The following NCKAP1L variants were observed in gnomAD, a reference collection of about 807,000 sequenced individuals.
NCKAP1L encodes the protein nck-associated protein 1-like.
Under a neutral mutation model 139.2 loss-of-function variants are expected in NCKAP1L, and 53 were observed. That is an observed-to-expected ratio of 0.38 (90% CI 0.31 to 0.48). The LOEUF is 0.48. Ranked by LOEUF, NCKAP1L falls within the 20% of genes least tolerant of loss-of-function variation. The probability of loss-of-function intolerance (pLI) is 0.98; values close to 1 mark genes in which losing one functional copy is unlikely to be tolerated. For synonymous variants in NCKAP1L, 468 were observed against 499.7 expected (o/e 0.94, Z 0.85); for missense variants, 1,151 against 1,381.9 (o/e 0.83, Z 2.65).
At position 54,500,589 on chromosome 12, in the gene NCKAP1L, C is replaced by A. The variant is rs1276250339; in HGVS notation, c.270C>A (p.Asn90Lys). The A allele has an allele frequency of 3.7e-6, 6 of 1,612,860 alleles. No homozygotes were observed. Among genetic ancestry groups the A allele is most frequent in the Non-Finnish European group, 5.1e-6 (6 of 1,178,990 alleles). The change falls in exon 3 of 31, where the codon AAC (asparagine) becomes AAA (lysine). Residue 90 changes from asparagine to lysine, a missense_variant. By Grantham distance (94) the Asn-to-Lys change is moderately conservative. Coordinates refer to ENST00000293373, the MANE Select transcript of NCKAP1L (RefSeq NM_005337.5). ...CCGAGATAATTAGATTCCTCACCAA[C>A]TACTACCAGTCATTTGTGGATGTCA... ...EKAEIIRFLT[N>K]YYQSFVDVME...
Position 54,517,543 on chromosome 12 carries a change from CT to C in NCKAP1L, c.1109del (p.Phe370SerfsTer55), listed in dbSNP as rs770266760. 10 of 1,613,410 alleles carry C rather than the reference CT, an allele frequency of 6.2e-6. No individual in the cohort carries two copies. Among genetic ancestry groups the C allele is most frequent in the Non-Finnish European group, 8.5e-6 (10 of 1,179,558 alleles). ...PGLLGPKALF[A>X]FMALSFIRDE... is the part of the protein sequence containing the mutation. ...CTACCCCCTCCATAGGCTCTTTTTG[CT>C]TTCATGGCCCTGTCCTTCATTCGTG... On this transcript the variant is annotated frameshift_variant, in exon 12 of 31. Transcript: ENST00000293373. LOFTEE classifies it high-confidence loss of function.
At chr12:54,538,831 C>T in intron 29 of NCKAP1L, 53 bp from the exon 30 acceptor site, 4 of 1,328,558 alleles carry the variant, frequency 3.0e-6, no homozygotes, top group Non-Finnish European at 4.3e-6. Flanking sequence ...CAGCCTGAGG[C>T]CATTTGATAC....
Position 54,546,640 on chromosome 12 carries a change from G to T in NCKAP1L, c.*3955G>T, listed in dbSNP as rs1957199918. ...CGGTTGGGGGAAGAGTGTTCTTCCA[G>T]TCCTCCTCCCCACAGGGCCTCCTGC... On this transcript the variant is annotated 3_prime_UTR_variant, in exon 31 of 31. Transcript: ENST00000293373. 1 of 152,188 alleles carries T rather than the reference G, an allele frequency of 6.6e-6. No homozygotes were observed. Among genetic ancestry groups the T allele is most frequent in the African/African-American group, 2.4e-5 (1 of 41,426 alleles). 9.4% of individuals were successfully genotyped at this position (152,188 alleles called of 1,614,324 possible).
intron 5 of NCKAP1L, among the ~76,000 whole-genome samples, chr12:54,509,061 G>A (rs1956865268): frequency 6.6e-6 from 1 of 152,170 alleles, no homozygotes; most frequent in Admixed American, 6.5e-5. Context: ...TTTAGTGTTG[G>A]TAGGAATAAT....
intron 26 of NCKAP1L, among the ~76,000 whole-genome samples, chr12:54,532,584 G>T (rs572272683): frequency 3.3e-5 from 5 of 152,118 alleles, no homozygotes; most frequent in Non-Finnish European, 5.9e-5. Flanking sequence ...AAACAAGTCC[G>T]CTCTTTAGTC....
rs1008094726 is a variant in NCKAP1L at position 54,543,762 on chromosome 12, G to A, written c.*1077G>A. The A allele has an allele frequency of 2.0e-5, 3 of 152,164 alleles. No individual in the cohort carries two copies. The highest frequency in any genetic ancestry group is 4.4e-5 in the Non-Finnish European group (3 of 68,032). The allele number at this position is 152,164 out of a possible 1,614,324, so 9.4% of individuals were successfully genotyped here. Reference sequence around the variant, plus strand: ...GGCTTTCAAGATAGCACTAAACTAGGTTTACTTAACTCCTTGGCAGGAAAT... The same window carrying A: ...GGCTTTCAAGATAGCACTAAACTAGATTTACTTAACTCCTTGGCAGGAAAT... On this transcript the variant is annotated 3_prime_UTR_variant, in exon 31 of 31. Coordinates refer to ENST00000293373, the MANE Select transcript of NCKAP1L (RefSeq NM_005337.5).
chr12:54,521,104 C>T lies in NCKAP1L; in HGVS notation c.1759-15C>T. The stretch of plus-strand genomic sequence containing the variant: ...TGGTGATGACAGTCTCTTCTTTGGT[C>T]CCTCTTTCCCATAGTACCCCCACCT... On this transcript the variant is annotated splice_polypyrimidine_tract_variant and intron_variant, in intron 17 of 30. Transcript: ENST00000293373. 1.9e-6 allele frequency: 3 copies of T among 1,613,720 alleles called. No homozygotes were observed. Among genetic ancestry groups the T allele is most frequent in the South Asian group, 2.2e-5 (2 of 91,010 alleles).
chr12:54,530,406 A>G (rs931025149), intron 22 of NCKAP1L, among the ~76,000 whole-genome samples: 1 of 152,220 alleles, frequency 6.6e-6, no homozygotes, highest in African/African-American at 2.4e-5. Context: ...GCTGGGTGGC[A>G]AGGGATAAAG....
rs189718326 is a variant in NCKAP1L, at chr12:54,502,865, G to A, written c.306+2240G>A. 2.0e-4 allele frequency among the ~76,000 whole-genome samples: 30 copies of A among 148,030 alleles called. No individual in the cohort carries two copies. The East Asian group carries it at 5.9e-3, about 29-fold the overall frequency. On this transcript the variant is annotated intron_variant, in intron 3 of 30. Coordinates refer to ENST00000293373, the MANE Select transcript of NCKAP1L (RefSeq NM_005337.5). ...AAAAAAAAATTAGCTGGGCATGGTA[G>A]TGAGTGCCTGTAGTCCCAGCTGCTT... is the stretch of plus-strand genomic sequence containing the variant.
intron 7 of NCKAP1L, among the ~76,000 whole-genome samples, chr12:54,510,917 G>A (rs1245895782): frequency 1.3e-5 from 2 of 152,274 alleles, no homozygotes; most frequent in African/African-American, 4.8e-5. Flanking sequence ...GCCTCCCAAA[G>A]TGCTGGGATT....
At chr12:54,513,665 G>A (rs942074127) in intron 9 of NCKAP1L, among the ~76,000 whole-genome samples, 36 of 152,148 alleles carry the variant, frequency 2.4e-4, no homozygotes, top group Non-Finnish European at 4.9e-4. Context: ...CATTGGATTT[G>A]GCTCTAAAGA....
At chr12:54,525,914 G>A (rs931755685) in intron 20 of NCKAP1L, among the ~76,000 whole-genome samples, 1 of 152,166 alleles carries the variant, frequency 6.6e-6, no homozygotes, top group Non-Finnish European at 1.5e-5. Context: ...GTCCAGTGGT[G>A]AGGGGTCTTG....
chr12:54,515,550 G>A (rs1378289727), intron 9 of NCKAP1L, among the ~76,000 whole-genome samples: 1 of 152,198 alleles, frequency 6.6e-6, no homozygotes, highest in Non-Finnish European at 1.5e-5. Context: ...AGTGCTGAAG[G>A]CTTTGTGGGA....
chr12:54,506,824 T>TATATATATA (rs71070825), intron 3 of NCKAP1L, among the ~76,000 whole-genome samples: 16 of 137,774 alleles, frequency 1.2e-4, no homozygotes, highest in South Asian at 2.3e-4. Context: ...TATATATATA[T>TATATATATA]TCCTTAATCT....
chr12:54,501,262 T>G (rs903572276), intron 3 of NCKAP1L, among the ~76,000 whole-genome samples: 1 of 152,328 alleles, frequency 6.6e-6, no homozygotes, highest in African/African-American at 2.4e-5. Flanking sequence ...TTAAGGTTCA[T>G]CCCTGTTGTA....
intron 30 of NCKAP1L, among the ~76,000 whole-genome samples, chr12:54,539,982 C>G (rs1957144383): frequency 6.6e-6 from 1 of 152,198 alleles, no homozygotes; most frequent in Non-Finnish European, 1.5e-5. Flanking sequence ...CAAAATCCCT[C>G]TAACTGAGGG....
At chr12:54,528,529 C>A in intron 22 of NCKAP1L, 152 bp downstream of exon 22, 1 of 873,534 alleles carries the variant, frequency 1.1e-6, no homozygotes, top group Non-Finnish European at 1.7e-6. Flanking sequence ...TTGCACCAAC[C>A]TAATAGTGAA....
At chr12:54,537,169 T>G (rs543555250) in intron 29 of NCKAP1L, 116 bp downstream of exon 29, 28 of 645,070 alleles carry the variant, frequency 4.3e-5, no homozygotes, top group Admixed American at 1.3e-4. Context: ...CCCACCTAAT[T>G]CATTCAGTAA....
intron 22 of NCKAP1L, 120 bp downstream of exon 22, chr12:54,528,497 A>G (rs1957043533): frequency 3.1e-6 from 4 of 1,275,134 alleles, no homozygotes; most frequent in East Asian, 4.9e-5. Context: ...ATTACTTTTC[A>G]TTGCAAAAAC....
Sources: allele counts gnomAD v4.1 joint callset (sites outside exome capture counted in the v4.1 genomes callset), GRCh38; gene constraint gnomAD v4.1.1; transcripts MANE v1.5; gene names NCBI Gene and HGNC (gene_info 2026-07-23, HGNC 2026-07-21).